ADAMTS9: variants seen among roughly 807,000 people sequenced by gnomAD.
The protein encoded by ADAMTS9 is A disintegrin and metalloproteinase with thrombospondin motifs 9.
A neutral mutation model predicts 257.1 loss-of-function variants in ADAMTS9; 107 were observed. The observed-to-expected ratio is 0.42, with a 90% CI of 0.36 to 0.49. ADAMTS9 has a LOEUF of 0.49. ADAMTS9 is among the 20% of genes least tolerant of loss of function. The probability of loss-of-function intolerance (pLI) is 0.03; values close to 1 mark genes in which losing one functional copy is unlikely to be tolerated. For missense variants in ADAMTS9, 2,353 were observed against 2,469.1 expected (o/e 0.95, Z 1.00); for synonymous variants, 982 against 880.9 (o/e 1.11, Z -2.03).
intron 23 of ADAMTS9, among the ~76,000 whole-genome samples, chr3:64,605,538 T>C (rs1190853707): frequency 6.6e-6 from 1 of 152,230 alleles, no homozygotes; most frequent in Admixed American, 6.5e-5. Context: ...ATGGAGATAG[T>C]ACATCAGCCA....
At chr3:64,519,139 T>C (rs112149354) in intron 39 of ADAMTS9, among the ~76,000 whole-genome samples, 2,264 of 152,280 alleles carry the variant, frequency 0.015, 46 homozygotes, top group African/African-American at 0.052. Context: ...ATATGTAAAA[T>C]AGCAGCTCCT....
intron 37 of ADAMTS9, among the ~76,000 whole-genome samples, chr3:64,535,318 G>A (rs2083035769): frequency 1.3e-5 from 2 of 152,076 alleles, no homozygotes; most frequent in Non-Finnish European, 2.9e-5. Flanking sequence ...AGTGTAGGTT[G>A]CAGTGAGCCC....
chr3:64,594,262 C>T lies in ADAMTS9; in HGVS notation c.4352G>A (p.Ser1451Asn). ...CATGAATAGTTAGGGCCGTACCGAG[C>T]TCCAAGGGCCAGTACTCCATGCAGC... ...HDAAWSTGPWSSCSVSCGRGH... is the reference protein window; with the variant it reads ...HDAAWSTGPWNSCSVSCGRGH... The change falls in exon 28 of 40, where the codon AGC becomes AAC. Residue 1451 changes from serine to asparagine, a missense_variant. Physicochemically the swap from Ser to Asn is conservative, Grantham distance 46. Around this residue, in one of 3 missense-constraint regions of ADAMTS9, gnomAD observed 1,402 missense variants for 1,441.4 expected, o/e 0.97. Coordinates refer to ENST00000498707, the MANE Select transcript of ADAMTS9 (RefSeq NM_182920.2). 1.2e-6 allele frequency: 2 copies of T among 1,613,100 alleles called. No individual in the cohort carries two copies. The highest frequency in any genetic ancestry group is 1.1e-5 in the South Asian group (1 of 90,954).
Position 64,686,929 on chromosome 3 carries a change from G to A in ADAMTS9, c.155C>T (p.Ser52Phe), listed in dbSNP as rs1701928184. The change falls in exon 2 of 40, where the codon TCT becomes TTT. Residue 52 changes from serine to phenylalanine, a missense_variant. Ser to Phe is a radical substitution (Grantham distance 155, BLOSUM62 -2). Transcript: ENST00000498707. This position sits in a 1 kb window ranked among gnomAD's most constrained non-coding sequence, Gnocchi z 4.6. ...LETLSEYEIV[S>F]PIRVNALGEP... is the part of the protein sequence containing the mutation. ...TCCGAGAGCGTTCACTCGGATGGGA[G>A]ACACGATTTCGTATTCGCTCAGGGT... 3 of 1,614,192 alleles carry A rather than the reference G, an allele frequency of 1.9e-6. No homozygotes were observed. Among genetic ancestry groups the A allele is most frequent in the Non-Finnish European group, 2.5e-6 (3 of 1,180,040 alleles).
intron 9 of ADAMTS9, chr3:64,650,049 G>T: frequency 3.0e-6 from 1 of 337,864 alleles, no homozygotes; most frequent in Non-Finnish European, 5.3e-6. Context: ...GCAATTATCT[G>T]TTTATGTTTG....
At chr3:64,563,589 G>A (rs902396886) in intron 29 of ADAMTS9, among the ~76,000 whole-genome samples, 7 of 152,040 alleles carry the variant, frequency 4.6e-5, no homozygotes, top group Admixed American at 2.6e-4. Context: ...AATTACTTAT[G>A]GTTCAACGAA....
Position 64,595,712 on chromosome 3 carries a change from T to C in ADAMTS9, c.4179+1118A>G, listed in dbSNP as rs1287071897. Among the ~76,000 whole-genome samples the C allele has an allele frequency of 3.3e-5, 5 of 152,218 alleles. 1 individual carries two copies. Among genetic ancestry groups the C allele is most frequent in the African/African-American group, 1.2e-4 (5 of 41,458 alleles). ...ATGACTGCCTATGACTACTAGGTTA[T>C]ATGGCTGAAACCATGAAATGTGGAC... On this transcript the variant is annotated intron_variant, in intron 27 of 39. Transcript: ENST00000498707.
At position 64,528,478 on chromosome 3, in the gene ADAMTS9, C is replaced by A. The variant is rs561397027; in HGVS notation, c.5718+4688G>T. Reference sequence around the variant, plus strand: ...CTAAGCAGAGTGAGGAGAAACTTTACGACCCCTAGCTGAGCTGGTGCAGCT... The same window carrying A: ...CTAAGCAGAGTGAGGAGAAACTTTAAGACCCCTAGCTGAGCTGGTGCAGCT... On this transcript the variant is annotated intron_variant, in intron 38 of 39. Coordinates refer to ENST00000498707, the MANE Select transcript of ADAMTS9 (RefSeq NM_182920.2). Among the ~76,000 whole-genome samples, 9 of 152,280 alleles carry A rather than the reference C, an allele frequency of 5.9e-5. No homozygotes were observed. The South Asian group carries it at 1.9e-3, about 32-fold the overall frequency.
chr3:64,671,869 A>T (rs902345398), intron 3 of ADAMTS9, among the ~76,000 whole-genome samples: 3 of 152,266 alleles, frequency 2.0e-5, no homozygotes, highest in Non-Finnish European at 4.4e-5. Flanking sequence ...AAATGGCTAT[A>T]ATAAAGACTC....
intron 12 of ADAMTS9, among the ~76,000 whole-genome samples, chr3:64,638,781 C>T (rs151150467): frequency 0.011 from 1,657 of 151,874 alleles, 31 homozygotes; most frequent in South Asian, 0.013. Flanking sequence ...TTGGCTTTTA[C>T]GCTTTCAGGG....
intron 22 of ADAMTS9, among the ~76,000 whole-genome samples, chr3:64,610,514 TA>T (rs200616795): frequency 1.1e-3 from 154 of 135,664 alleles, no homozygotes; most frequent in African/African-American, 4.1e-3. Context: ...TATTTTTTTT[TA>T]AAAAATTGGC....
intron 30 of ADAMTS9, among the ~76,000 whole-genome samples, chr3:64,560,927 A>G (rs887270789): frequency 1.3e-5 from 2 of 152,098 alleles, no homozygotes; most frequent in South Asian, 2.1e-4. Context: ...GTTACCTCCT[A>G]TAAAACCTCC....
rs765889933 is a variant in ADAMTS9, at chr3:64,550,932, T to C, written c.4829A>G (p.Gln1610Arg). 2.0e-5 allele frequency: 33 copies of C among 1,614,068 alleles called. No homozygotes were observed. In the Admixed American group the frequency reaches 5.2e-4, roughly 25 times the overall value. The stretch of plus-strand genomic sequence containing the variant: ...TGTGATCCAGACATACTCGCAGGGT[T>C]GCAAACTACAGCTTTCACGGTCCAC... ...RPVDRESCSL[Q>R]PCEYVWITGE... The change falls in exon 31 of 40, where the codon CAA (glutamine) becomes CGA (arginine). Residue 1610 changes from glutamine (Q) to arginine (R), a missense_variant. Around this residue, in one of 3 missense-constraint regions of ADAMTS9, gnomAD observed 1,402 missense variants for 1,441.4 expected, o/e 0.97. Coordinates refer to ENST00000498707, the MANE Select transcript of ADAMTS9 (RefSeq NM_182920.2).
chr3:64,541,997 G>C, intron 32 of ADAMTS9, 27 bp from the exon 33 acceptor site: 1 of 1,613,714 alleles, frequency 6.2e-7, no homozygotes, highest in Non-Finnish European at 8.5e-7. Context: ...AGTCAGCGGT[G>C]TGGCTATGGA....
intron 19 of ADAMTS9, among the ~76,000 whole-genome samples, chr3:64,618,862 T>G (rs1056089496): frequency 1.3e-5 from 2 of 152,180 alleles, no homozygotes. Context: ...CGGGGGTACC[T>G]TTTAATGTAT....
chr3:64,604,300 G>A lies in ADAMTS9; in HGVS notation c.3506C>T (p.Pro1169Leu). The change falls in exon 24 of 40, where the codon CCA becomes CTA. Residue 1169 changes from proline (P) to leucine (L), a missense_variant. By Grantham distance (98) the Pro-to-Leu change is moderately conservative. Coordinates refer to ENST00000498707, the MANE Select transcript of ADAMTS9 (RefSeq NM_182920.2). ...DCELPSCHPP[P>L]AAPETRRSTY... The stretch of plus-strand genomic sequence containing the variant: ...GCTTCTCCTCGTTTCCGGGGCAGCT[G>A]GGGGAGGATGACATGATGGTAATTC... 3 of 1,612,680 alleles carry A rather than the reference G, an allele frequency of 1.9e-6. No homozygotes were observed. The highest frequency in any genetic ancestry group is 2.5e-6 in the Non-Finnish European group (3 of 1,179,458).
rs561828098 is a variant in ADAMTS9, at chr3:64,533,167, G to A, written c.5717C>T (p.Pro1906Leu). The A allele has an allele frequency of 1.2e-4, 186 of 1,611,878 alleles. No homozygotes were observed. Among genetic ancestry groups the A allele is most frequent in the Non-Finnish European group, 1.5e-4 (174 of 1,178,290 alleles). ...NYAVSDIKKSPDGTRVVGKCG... is the reference protein window; with the variant it reads ...NYAVSDIKKSLDGTRVVGKCG... The stretch of plus-strand genomic sequence containing the variant: ...CCCAACCCATCTGTAGAACCTTACC[G>A]GCGACTTCTTGATGTCAGAGACAGC... Residue 1906 changes from proline (P) to leucine (L), a missense_variant and splice_region_variant, in exon 38 of 40, where the codon CCG (proline) becomes CTG (leucine). Pro to Leu is a moderately conservative substitution (Grantham distance 98). Coordinates refer to ENST00000498707, the MANE Select transcript of ADAMTS9 (RefSeq NM_182920.2).
At chr3:64,603,307 A>G (rs1297924552) in intron 25 of ADAMTS9, among the ~76,000 whole-genome samples, 1 of 152,194 alleles carries the variant, frequency 6.6e-6, no homozygotes, top group Non-Finnish European at 1.5e-5. Context: ...TTGAGATATT[A>G]ATCTCCATTC....
chr3:64,533,377 T>C, intron 37 of ADAMTS9, 107 bp from the exon 38 acceptor site: 1 of 803,166 alleles, frequency 1.2e-6, no homozygotes, highest in South Asian at 1.6e-5. Context: ...AGAAGGATGT[T>C]GATTAATTGT....
Sources: allele counts gnomAD v4.1 joint callset (sites outside exome capture counted in the v4.1 genomes callset), GRCh38; gene constraint gnomAD v4.1.1; regional missense constraint gnomAD v4.1.1; non-coding constraint Gnocchi (gnomAD v3.1); transcripts MANE v1.5; gene names NCBI Gene and HGNC (gene_info 2026-07-23, HGNC 2026-07-21).